GRID2: variants seen among roughly 807,000 people sequenced by gnomAD.
GRID2 encodes glutamate receptor ionotropic, delta-2.
GRID2 carries 33 observed loss-of-function variants against 114.8 expected under a neutral mutation model. That is an observed-to-expected ratio of 0.29 (90% confidence interval 0.22 to 0.38). The LOEUF is 0.38. GRID2 is among the 10% of genes least tolerant of loss of function. The pLI, the probability that GRID2 is intolerant of heterozygous loss-of-function variation, is 1.00. For synonymous variants in GRID2, 505 were observed against 449.9 expected, an observed-to-expected ratio of 1.12 and a Z score of -1.55; for missense variants, 1,184 against 1,257.7, an observed-to-expected ratio of 0.94 and a Z score of 0.89.
At chr4:93,191,676 C>G (rs1740994358) in intron 4 of GRID2, among the ~76,000 whole-genome samples, 2 of 151,944 alleles carry the variant, frequency 1.3e-5, no homozygotes, top group African/African-American at 4.8e-5. Flanking sequence ...CTTTTTGTCA[C>G]ATCAAGATTT....
At chr4:93,466,479 G>GT (rs1289508200) in intron 11 of GRID2, among the ~76,000 whole-genome samples, 2 of 152,184 alleles carry the variant, frequency 1.3e-5, no homozygotes, top group Non-Finnish European at 2.9e-5. Flanking sequence ...GCTCAGGGCA[G>GT]TTTTGCAGTC....
At chr4:92,477,844 A>AAT (rs956631387) in intron 1 of GRID2, among the ~76,000 whole-genome samples, 9 of 147,482 alleles carry the variant, frequency 6.1e-5, no homozygotes, top group Non-Finnish European at 1.0e-4. Flanking sequence ...AATATATATA[A>AAT]ATATATATAT....
At chr4:93,370,484 C>T (rs940805695) in intron 8 of GRID2, among the ~76,000 whole-genome samples, 3 of 149,380 alleles carry the variant, frequency 2.0e-5, no homozygotes, top group African/African-American at 7.6e-5. Context: ...GAGACACACA[C>T]ACACACGCAC....
At chr4:93,356,825 A>G (rs1761383506) in intron 8 of GRID2, among the ~76,000 whole-genome samples, 4 of 151,842 alleles carry the variant, frequency 2.6e-5, no homozygotes. Flanking sequence ...GGGGTCAAAC[A>G]TTTACATTAT....
At chr4:93,287,503 TACAGCC>T (rs1753308946) in intron 8 of GRID2, among the ~76,000 whole-genome samples, 1 of 152,172 alleles carries the variant, frequency 6.6e-6, no homozygotes, top group Non-Finnish European at 1.5e-5. Flanking sequence ...CTAGTAGTGC[TACAGCC>T]ACTGAGAGAA....
At chr4:93,282,775 C>T (rs1039751825) in intron 8 of GRID2, among the ~76,000 whole-genome samples, 1 of 152,020 alleles carries the variant, frequency 6.6e-6, no homozygotes, top group Admixed American at 6.6e-5. Context: ...TTAATTGGCT[C>T]ATGGTTCTCC....
intron 10 of GRID2, among the ~76,000 whole-genome samples, chr4:93,442,719 A>G (rs1721736820): frequency 6.6e-6 from 1 of 151,978 alleles, no homozygotes; most frequent in African/African-American, 2.4e-5. Context: ...TTATGGATTC[A>G]ATTATCATCT....
intron 1 of GRID2, among the ~76,000 whole-genome samples, chr4:92,387,545 G>T (rs28457845): frequency 0.031 from 4,685 of 151,974 alleles, 240 homozygotes; most frequent in African/African-American, 0.11. Flanking sequence ...TAGAGTATTT[G>T]ACCAGGATAG....
rs373952949 is a variant in GRID2 at position 93,085,182 on chromosome 4, C to T, written c.432C>T (p.Leu144=). The change falls in exon 3 of 16, where the codon CTC becomes CTT. Residue 144 remains leucine (L), a synonymous_variant. Coordinates refer to ENST00000282020, the MANE Select transcript of GRID2 (RefSeq NM_001510.4). ...GCAACAGGAATGATGACTACACTCT[C>T]TCAGTTCGCCCACCTGTCTACTTGC... ...TRSNRNDDYT[L]SVRPPVYLHD... 1 of 1,613,866 alleles carries T rather than the reference C, an allele frequency of 6.2e-7. No individual in the cohort carries two copies. The highest frequency in any genetic ancestry group is 8.5e-7 in the Non-Finnish European group (1 of 1,179,926).
chr4:92,993,283 A>G (rs1755012958), intron 2 of GRID2, among the ~76,000 whole-genome samples: 3 of 151,442 alleles, frequency 2.0e-5, no homozygotes. Context: ...CAAAAATAAT[A>G]GTAGCATTAA....
intron 2 of GRID2, among the ~76,000 whole-genome samples, chr4:92,987,991 T>A (rs566150256): frequency 6.6e-6 from 1 of 152,300 alleles, no homozygotes; most frequent in East Asian, 1.9e-4. Context: ...AGACTTAAAA[T>A]TTACATTAAT....
chr4:92,833,489 G>A (rs912620208), intron 2 of GRID2, among the ~76,000 whole-genome samples: 4 of 152,096 alleles, frequency 2.6e-5, no homozygotes, highest in Non-Finnish European at 5.9e-5. Flanking sequence ...AATGACACTT[G>A]ATGATCTTTC....
rs191151922 is a variant in GRID2 at position 93,103,998 on chromosome 4, G to T, written c.530-6750G>T. Among the ~76,000 whole-genome samples the T allele has an allele frequency of 1.2e-4, 18 of 151,808 alleles. No individual in the cohort carries two copies. In the East Asian group the frequency reaches 3.1e-3, roughly 26 times the overall value. The stretch of plus-strand genomic sequence containing the variant: ...TGTTACATGGGTATATTGCACCCAG[G>T]AAGTAAGCATAGTACCCAATTCATT... On this transcript the variant is annotated intron_variant, in intron 3 of 15. Coordinates refer to ENST00000282020, the MANE Select transcript of GRID2 (RefSeq NM_001510.4).
chr4:93,049,515 C>T (rs903702364), intron 2 of GRID2, among the ~76,000 whole-genome samples: 1 of 151,554 alleles, frequency 6.6e-6, no homozygotes, highest in African/African-American at 2.4e-5. Flanking sequence ...AATTATCCCC[C>T]CCCCAAAAAA....
intron 4 of GRID2, among the ~76,000 whole-genome samples, chr4:93,205,272 A>C (rs1742584282): frequency 6.6e-6 from 1 of 151,848 alleles, no homozygotes; most frequent in Admixed American, 6.6e-5. Flanking sequence ...TGTTTTAATT[A>C]TTAAGTTTCA....
intron 2 of GRID2, among the ~76,000 whole-genome samples, chr4:92,762,789 C>T (rs972745570): frequency 6.6e-6 from 1 of 152,182 alleles, no homozygotes; most frequent in Non-Finnish European, 1.5e-5. Flanking sequence ...ATCTGCATTA[C>T]TTTTTATCCT....
At chr4:93,606,836 A>T (rs1280877264) in intron 13 of GRID2, among the ~76,000 whole-genome samples, 1 of 152,158 alleles carries the variant, frequency 6.6e-6, no homozygotes, top group Non-Finnish European at 1.5e-5. Context: ...AGGACTCAAA[A>T]GCTAACTATT....
At chr4:92,628,068 TTTTTA>T (rs1481484932) in intron 2 of GRID2, among the ~76,000 whole-genome samples, 1 of 152,180 alleles carries the variant, frequency 6.6e-6, no homozygotes, top group South Asian at 2.1e-4. Context: ...AAGATGAGAA[TTTTTA>T]TTTTATCATC....
chr4:92,638,824 T>G (rs1203583888), intron 2 of GRID2, among the ~76,000 whole-genome samples: 1 of 151,140 alleles, frequency 6.6e-6, no homozygotes, highest in Non-Finnish European at 1.5e-5. Flanking sequence ...AATATTTGTC[T>G]TTGAAATATC....
Sources: gnomAD v4.1 joint callset for allele counts (sites outside exome capture counted in the v4.1 genomes callset) on GRCh38, gnomAD v4.1.1 for gene constraint, MANE v1.5 for transcripts, NCBI Gene and HGNC (gene_info 2026-07-23, HGNC 2026-07-21) for gene names.